Variants in COQ5 observed in about 807,000 individuals in gnomAD.
The protein encoded by COQ5 is 2-methoxy-6-polyprenyl-1,4-benzoquinol methylase, mitochondrial.
COQ5 carries 27 observed loss-of-function variants against 40.5 expected under a neutral mutation model. The ratio of observed to expected loss-of-function variants is 0.67; its 90% CI spans 0.49 to 0.92. The LOEUF is 0.92. Ranked by LOEUF, COQ5 falls within the 40% of genes least tolerant of loss-of-function variation. COQ5 has a pLI of 0.00. For synonymous variants in COQ5, 141 were observed against 150.0 expected (o/e 0.94, Z 0.44); for missense variants, 409 against 406.4 (o/e 1.01, Z -0.06).
At chr12:120,513,266 GGCC>G (rs1869220412) in intron 3 of COQ5, among the ~76,000 whole-genome samples, 1 of 149,872 alleles carries the variant, frequency 6.7e-6, no homozygotes. Context: ...CACTTTGGGA[GGCC>G]GAGGCGGGCG....
chr12:120,508,755 G>A (rs567611259), intron 4 of COQ5, among the ~76,000 whole-genome samples: 24 of 152,224 alleles, frequency 1.6e-4, no homozygotes, highest in Non-Finnish European at 2.8e-4. Flanking sequence ...CCCAGGCGTG[G>A]TGGCTCACGA....
chr12:120,520,566 C>T (rs918012589), intron 2 of COQ5, among the ~76,000 whole-genome samples: 7 of 151,722 alleles, frequency 4.6e-5, no homozygotes, highest in Non-Finnish European at 1.0e-4. Flanking sequence ...CCTCATGATC[C>T]GACCGCCTCG....
chr12:120,509,766 T>C (rs1447419420), intron 4 of COQ5: 2 of 433,490 alleles, frequency 4.6e-6, no homozygotes. Flanking sequence ...AAAAAAAAAA[T>C]CTATCTATCT....
At chr12:120,508,643 G>A (rs1001193289) in intron 4 of COQ5, among the ~76,000 whole-genome samples, 3 of 152,320 alleles carry the variant, frequency 2.0e-5, no homozygotes, top group Middle Eastern at 3.4e-3. Context: ...ACTGTCTGAA[G>A]GGAGAAGCAC....
intron 1 of COQ5, among the ~76,000 whole-genome samples, chr12:120,524,742 C>T (rs1869859729): frequency 6.6e-6 from 1 of 152,218 alleles, no homozygotes; most frequent in Non-Finnish European, 1.5e-5. Flanking sequence ...CTGAATCAGA[C>T]TACAGAGCCC....
At position 120,528,926 on chromosome 12, in the gene COQ5, C is replaced by G. The variant is rs369028063; in HGVS notation, c.202+14G>C. 5.5e-5 allele frequency: 89 copies of G among 1,613,402 alleles called. 1 individual carries two copies. Among genetic ancestry groups the G allele is most frequent in the Non-Finnish European group, 7.1e-5 (84 of 1,179,406 alleles). On this transcript the variant is annotated intron_variant, in intron 1 of 6. Coordinates refer to ENST00000288532, the MANE Select transcript of COQ5 (RefSeq NM_032314.4). ...CGGTCAGATCCCTCCCATCCGCCCTCTCGCCCCTTTCACCTTTGCCCCCCT... is the reference window on the plus strand; with the variant it reads ...CGGTCAGATCCCTCCCATCCGCCCTGTCGCCCCTTTCACCTTTGCCCCCCT...
intron 3 of COQ5, among the ~76,000 whole-genome samples, chr12:120,513,807 A>G (rs1869256185): frequency 6.6e-6 from 1 of 152,102 alleles, no homozygotes; most frequent in African/African-American, 2.4e-5. Flanking sequence ...GGTATAAGCT[A>G]CTGCGCCCGA....
chr12:120,523,476 C>T (rs1049533152), intron 1 of COQ5: 10 of 301,802 alleles, frequency 3.3e-5, no homozygotes, highest in South Asian at 1.1e-4. Flanking sequence ...GCCTGCTCCC[C>T]GCTGCTGCTC....
intron 2 of COQ5, among the ~76,000 whole-genome samples, chr12:120,518,743 T>C (rs939083292): frequency 3.9e-5 from 6 of 152,140 alleles, no homozygotes; most frequent in Non-Finnish European, 8.8e-5. Flanking sequence ...TTTTGTATTT[T>C]TAGTAGAGAC....
chr12:120,518,511 T>C (rs985770305), intron 2 of COQ5, among the ~76,000 whole-genome samples: 7 of 151,744 alleles, frequency 4.6e-5, no homozygotes, highest in African/African-American at 1.7e-4. Context: ...TTCTCCCATA[T>C]GTCCAACCAA....
rs1188754647 is a variant in COQ5, at chr12:120,523,165, C to T, written c.203-802G>A. 4.8e-5 allele frequency: 12 copies of T among 251,238 alleles called. 1 individual carries two copies. Among genetic ancestry groups the T allele is most frequent in the Admixed American group, 3.8e-4 (7 of 18,654 alleles). The allele number at this position is 251,238 out of a possible 1,614,324, so 15.6% of individuals were successfully genotyped here. ...CATCCTGGCTAACATGGTGAAACCC[C>T]GTCTCTACTAAAAATACAAAAAATT... is the stretch of plus-strand genomic sequence containing the variant. On this transcript the variant is annotated intron_variant, in intron 1 of 6. Transcript: ENST00000288532.
intron 1 of COQ5, among the ~76,000 whole-genome samples, chr12:120,524,364 C>T (rs922652741): frequency 1.3e-5 from 2 of 151,968 alleles, no homozygotes; most frequent in Non-Finnish European, 2.9e-5. Context: ...GGGTTCACGC[C>T]ATTCTCCTGC....
At chr12:120,528,444 A>G (rs897192851) in intron 1 of COQ5, among the ~76,000 whole-genome samples, 7 of 152,154 alleles carry the variant, frequency 4.6e-5, no homozygotes, top group African/African-American at 1.7e-4. Flanking sequence ...ATTGAAAATA[A>G]TGTCTGTACG....
chr12:120,511,470 C>T (rs947355564), intron 3 of COQ5, among the ~76,000 whole-genome samples: 12 of 151,772 alleles, frequency 7.9e-5, no homozygotes, highest in African/African-American at 2.9e-4. Flanking sequence ...TGTTTCAGGT[C>T]AGCAAAGTGA....
chr12:120,505,775 C>T (rs568207397), intron 4 of COQ5, among the ~76,000 whole-genome samples: 12 of 151,970 alleles, frequency 7.9e-5, no homozygotes, highest in Non-Finnish European at 1.5e-4. Flanking sequence ...AGGCTTGTCT[C>T]GAACTCCCAA....
At chr12:120,514,997 G>A (rs1324637622) in intron 3 of COQ5, among the ~76,000 whole-genome samples, 1 of 152,032 alleles carries the variant, frequency 6.6e-6, no homozygotes, top group Non-Finnish European at 1.5e-5. Flanking sequence ...TCTCCATATT[G>A]GTCAGGCTGG....
intron 1 of COQ5, among the ~76,000 whole-genome samples, chr12:120,524,784 A>G (rs1412054682): frequency 2.6e-5 from 4 of 151,472 alleles, no homozygotes; most frequent in Non-Finnish European, 5.9e-5. Context: ...GCCTATTCTC[A>G]ACCTTCGGAT....
chr12:120,521,767 C>A (rs925942511), intron 2 of COQ5, among the ~76,000 whole-genome samples: 9 of 151,640 alleles, frequency 5.9e-5, no homozygotes, highest in Admixed American at 5.9e-4. Flanking sequence ...GAGGCCGAGG[C>A]AGGCAGACTG....
Position 120,517,668 on chromosome 12 carries a change from C to G in COQ5, c.353-880G>C, listed in dbSNP as rs539219295. Among the ~76,000 whole-genome samples, 10 of 149,576 alleles carry G rather than the reference C, an allele frequency of 6.7e-5. No individual in the cohort carries two copies. In the South Asian group the frequency reaches 2.1e-3, roughly 32 times the overall value. On this transcript the variant is annotated intron_variant, in intron 2 of 6. Transcript: ENST00000288532. ...CTGCACTCCAGCCTGGGCGACAGAG[C>G]AAGACTACATCTCAAAAAAAAAAAC...
Sources: allele counts gnomAD v4.1 joint callset (sites outside exome capture counted in the v4.1 genomes callset), GRCh38; gene constraint gnomAD v4.1.1; transcripts MANE v1.5; gene names NCBI Gene and HGNC (gene_info 2026-07-23, HGNC 2026-07-21).